The following SPATA6 variants were observed in gnomAD, a reference collection of about 807,000 sequenced individuals.
SPATA6 encodes the protein spermatogenesis-associated protein 6.
SPATA6 carries 56 observed loss-of-function variants against 65.3 expected under a neutral mutation model. That is an observed-to-expected ratio of 0.86 (90% CI 0.69 to 1.07). SPATA6 has a LOEUF of 1.07. Ranked by LOEUF, SPATA6 falls within the 50% of genes least tolerant of loss-of-function variation. The pLI, the probability that SPATA6 is intolerant of heterozygous loss-of-function variation, is 0.00. For missense variants in SPATA6, 590 were observed against 594.8 expected, an observed-to-expected ratio of 0.99 and a Z score of 0.08; for synonymous variants, 199 against 213.2, an observed-to-expected ratio of 0.93 and a Z score of 0.58.
chr1:48,366,701 T>C (rs1047029311), intron 9 of SPATA6, among the ~76,000 whole-genome samples: 2 of 152,234 alleles, frequency 1.3e-5, no homozygotes, highest in African/African-American at 4.8e-5. Flanking sequence ...TCTTTATTAA[T>C]GTTGCTAGCG....
At position 48,413,153 on chromosome 1, in the gene SPATA6, T is replaced by C; in HGVS notation, c.239-2A>G. 1.4e-6 allele frequency: 2 copies of C among 1,422,492 alleles called. No homozygotes were observed. The highest frequency in any genetic ancestry group is 1.8e-6 in the Non-Finnish European group (2 of 1,086,488). 88.1% of individuals were successfully genotyped at this position (1,422,492 alleles called of 1,614,324 possible). ...TCAACTCGAACACTGCTGTATCATC[T>C]AAAAGTTTAAAGAAAAATTTCCTTA... On this transcript the variant is annotated splice_acceptor_variant, in intron 3 of 12. Transcript: ENST00000371847. LOFTEE classifies it high-confidence loss of function.
chr1:48,428,390 T>C (rs1654040959), intron 3 of SPATA6, among the ~76,000 whole-genome samples: 1 of 152,142 alleles, frequency 6.6e-6, no homozygotes, highest in African/African-American at 2.4e-5. Flanking sequence ...GAGGTGGATG[T>C]TGCGGTGAGC....
chr1:48,455,051 T>C (rs1429997111), intron 1 of SPATA6, among the ~76,000 whole-genome samples: 1 of 152,170 alleles, frequency 6.6e-6, no homozygotes, highest in Non-Finnish European at 1.5e-5. Flanking sequence ...ATATTCCCAA[T>C]TGATCATTAA....
At chr1:48,432,961 A>G (rs1241361620) in intron 3 of SPATA6, among the ~76,000 whole-genome samples, 7 of 152,184 alleles carry the variant, frequency 4.6e-5, no homozygotes, top group African/African-American at 1.7e-4. Flanking sequence ...AAAGAAATGA[A>G]ATTCTGACAC....
chr1:48,382,638 C>CT (rs1177851895), intron 9 of SPATA6, among the ~76,000 whole-genome samples: 6,493 of 21,016 alleles, frequency 0.31, 118 homozygotes, highest in Non-Finnish European at 0.38. Context: ...GACCCCCCCC[C>CT]CCCCGCCTCC....
chr1:48,411,474 G>C lies in SPATA6; in HGVS notation c.395C>G (p.Ser132Cys). The C allele has an allele frequency of 6.2e-7, 1 of 1,607,082 alleles. No individual in the cohort carries two copies. The highest frequency in any genetic ancestry group is 8.5e-7 in the Non-Finnish European group (1 of 1,176,870). The change falls in exon 5 of 13, where the codon TCT (serine) becomes TGT (cysteine). Residue 132 changes from serine (S) to cysteine (C), a missense_variant. By Grantham distance (112) the Ser-to-Cys change is moderately radical (BLOSUM62 -1). Coordinates refer to ENST00000371847, the MANE Select transcript of SPATA6 (RefSeq NM_019073.4). The stretch of plus-strand genomic sequence containing the variant: ...ATTGCAAGCACTTACTCGAAGGCCA[G>C]AAATCCTCCTCATGGTAACCTGGCG... The part of the protein sequence containing the change: ...SNRQVTMRRI[S>C]GLRGNAPRLE...
chr1:48,428,328 C>T (rs1654033484), intron 3 of SPATA6, among the ~76,000 whole-genome samples: 1 of 152,158 alleles, frequency 6.6e-6, no homozygotes, highest in Non-Finnish European at 1.5e-5. Context: ...GTGGCACATG[C>T]CTGTAATTCC....
chr1:48,411,347 A>G (rs1652207780), intron 5 of SPATA6, 117 bp downstream of exon 5: 1 of 1,183,630 alleles, frequency 8.4e-7, no homozygotes, highest in Non-Finnish European at 1.1e-6. Context: ...AAAACAATTA[A>G]GTAAACTAAA....
At chr1:48,337,704 TA>T (rs1646098269) in intron 11 of SPATA6, among the ~76,000 whole-genome samples, 1 of 152,028 alleles carries the variant, frequency 6.6e-6, no homozygotes, top group Admixed American at 6.6e-5. Flanking sequence ...ATATTCATCA[TA>T]CCAAGAAAAA....
chr1:48,270,507 G>T, the SPATA6 span, among the ~76,000 whole-genome samples: 1 of 152,002 alleles, frequency 6.6e-6, no homozygotes, highest in Non-Finnish European at 1.5e-5. Flanking sequence ...TTTACTGGTT[G>T]TGTTTATCAC....
intron 9 of SPATA6, among the ~76,000 whole-genome samples, chr1:48,366,541 C>G (rs966403309): frequency 1.1e-4 from 16 of 152,052 alleles, no homozygotes; most frequent in African/African-American, 2.7e-4. Context: ...TATGTGTCTA[C>G]GAATTTATCC....
intron 7 of SPATA6, among the ~76,000 whole-genome samples, chr1:48,396,678 G>A (rs1370800748): frequency 6.6e-6 from 1 of 151,610 alleles, no homozygotes; most frequent in Non-Finnish European, 1.5e-5. Context: ...TAGGACACAT[G>A]ATGTATAATC....
chr1:48,294,873 A>G (rs574488623), downstream of SPATA6, among the ~76,000 whole-genome samples: 25 of 152,294 alleles, frequency 1.6e-4, no homozygotes, highest in South Asian at 5.0e-3. Context: ...TTCCTGATCA[A>G]TCATGCTCCC....
intron 3 of SPATA6, among the ~76,000 whole-genome samples, chr1:48,445,030 T>C (rs116290958): frequency 0.035 from 5,397 of 152,280 alleles, 316 homozygotes; most frequent in African/African-American, 0.12. Flanking sequence ...GATAAGCATA[T>C]ATTAGTTTTG....
At chr1:48,340,776 T>A (rs1646194076) in intron 11 of SPATA6, among the ~76,000 whole-genome samples, 1 of 151,886 alleles carries the variant, frequency 6.6e-6, no homozygotes, top group African/African-American at 2.4e-5. Context: ...GAAACATACC[T>A]TAAATATAGG....
At chr1:48,417,976 T>C (rs1424573610) in intron 3 of SPATA6, among the ~76,000 whole-genome samples, 1 of 152,182 alleles carries the variant, frequency 6.6e-6, no homozygotes, top group Non-Finnish European at 1.5e-5. Flanking sequence ...AGGACACCTA[T>C]GGAAGGATTC....
chr1:48,456,036 T>A (rs1656975634), intron 1 of SPATA6, among the ~76,000 whole-genome samples: 1 of 152,184 alleles, frequency 6.6e-6, no homozygotes, highest in Non-Finnish European at 1.5e-5. Flanking sequence ...AGCATGCACA[T>A]GTGCAAAGCT....
At chr1:48,306,300 G>C (rs937715277) in intron 11 of SPATA6, among the ~76,000 whole-genome samples, 3 of 151,768 alleles carry the variant, frequency 2.0e-5, no homozygotes, top group African/African-American at 4.8e-5. Context: ...GACTTACAAA[G>C]GAAATGGCTT....
chr1:48,353,309 AAAC>A (rs1379497873), intron 11 of SPATA6, among the ~76,000 whole-genome samples: 3 of 152,072 alleles, frequency 2.0e-5, no homozygotes, highest in East Asian at 3.9e-4. Flanking sequence ...GAAATAAGGC[AAAC>A]AATAACAAAA....
Sources: gnomAD v4.1 joint callset for allele counts (sites outside exome capture counted in the v4.1 genomes callset) on GRCh38, gnomAD v4.1.1 for gene constraint, MANE v1.5 for transcripts, NCBI Gene and HGNC (gene_info 2026-07-23, HGNC 2026-07-21) for gene names.